The following GDAP2 variants were observed in gnomAD, a reference collection of about 807,000 sequenced individuals.
GDAP2 encodes ganglioside induced differentiation associated protein 2, also known as ganglioside-induced differentiation-associated protein 2.
GDAP2 carries 51 observed loss-of-function variants against 67.0 expected under a neutral mutation model. The ratio of observed to expected loss-of-function variants is 0.76; its 90% CI spans 0.61 to 0.96. The LOEUF is 0.96. Ranked by LOEUF, GDAP2 falls within the 40% of genes least tolerant of loss-of-function variation. The pLI is 0.00. For missense variants in GDAP2, 547 were observed against 588.3 expected, an observed-to-expected ratio of 0.93 and a Z score of 0.73; for synonymous variants, 203 against 207.3, an observed-to-expected ratio of 0.98 and a Z score of 0.18.
At chr1:117,877,882 A>G in intron 13 of GDAP2, 127 bp downstream of exon 13, 2 of 1,313,096 alleles carry the variant, frequency 1.5e-6, no homozygotes, top group Admixed American at 3.2e-5. Flanking sequence ...TGATATTACC[A>G]AGTTTATTAA....
chr1:117,905,641 C>A (rs1175715625), intron 6 of GDAP2, among the ~76,000 whole-genome samples: 1 of 152,118 alleles, frequency 6.6e-6, no homozygotes, highest in African/African-American at 2.4e-5. Context: ...GAGGAAACAA[C>A]CATGATTTTT....
chr1:117,910,059 G>A (rs990345858), intron 5 of GDAP2, among the ~76,000 whole-genome samples: 1 of 152,116 alleles, frequency 6.6e-6, no homozygotes, highest in African/African-American at 2.4e-5. Context: ...TATATCAAGG[G>A]AGGAATTTTG....
chr1:117,899,100 A>G lies in GDAP2; in HGVS notation c.753T>C (p.Pro251=), dbSNP rs34262092. The change falls in exon 7 of 14, where the codon CCT becomes CCC. Residue 251 remains proline, a synonymous_variant. Transcript: ENST00000369443. ...TCTCACTTATTCTAATCTGTCGTTC[A>G]GGTACCACAGGCTCCCCTTCTGCAT... ...IGNAEGEPVV[P]ERQIRISEKP... is the part of the protein sequence containing the mutation. 1.1e-3 allele frequency: 1,786 copies of G among 1,613,082 alleles called. 4 individuals are homozygous for G. The highest frequency in any genetic ancestry group is 7.7e-3 in the African/African-American group (575 of 75,008).
intron 7 of GDAP2, among the ~76,000 whole-genome samples, chr1:117,897,953 TA>T (rs1444017208): frequency 5.3e-5 from 8 of 152,320 alleles, no homozygotes; most frequent in African/African-American, 1.9e-4. Context: ...ATCTATAACA[TA>T]AAAGTATTTT....
chr1:117,888,344 A>G (rs1192584465), intron 8 of GDAP2, among the ~76,000 whole-genome samples: 1 of 152,180 alleles, frequency 6.6e-6, no homozygotes, highest in African/African-American at 2.4e-5. Context: ...TTTAATCATC[A>G]GTTAGTCAAA....
chr1:117,887,080 C>T (rs1648881211), intron 9 of GDAP2, among the ~76,000 whole-genome samples: 1 of 151,970 alleles, frequency 6.6e-6, no homozygotes, highest in South Asian at 2.1e-4. Flanking sequence ...AGGCATGCAC[C>T]ACCACACCTG....
In GDAP2 at chr1:117,920,318, C is replaced by A. The variant is rs771644665; in HGVS notation, c.40G>T (p.Asp14Tyr). 1.2e-6 allele frequency: 2 copies of A among 1,607,372 alleles called. No homozygotes were observed. The highest frequency in any genetic ancestry group is 1.1e-5 in the South Asian group (1 of 89,658). Residue 14 changes from aspartate to tyrosine, a missense_variant, in exon 2 of 14, where the codon GAT becomes TAT. Coordinates refer to ENST00000369443, the MANE Select transcript of GDAP2 (RefSeq NM_017686.4). ...GAGTCACCCCAGCTTGGTAGTGTAT[C>A]CACATCCACAAACTGGGAAGGTGCA... ...LGAPSQFVDV[D>Y]TLPSWGDSCQ...
chr1:117,882,880 G>A (rs1478473466), intron 11 of GDAP2: 3 of 152,088 alleles, frequency 2.0e-5, no homozygotes, highest in Non-Finnish European at 4.4e-5. Context: ...GCTAACAGGA[G>A]GGTTGAGTGC....
intron 12 of GDAP2, among the ~76,000 whole-genome samples, chr1:117,878,611 T>C (rs1301994595): frequency 1.3e-5 from 2 of 152,224 alleles, no homozygotes; most frequent in Non-Finnish European, 2.9e-5. Flanking sequence ...TTGGGACTCA[T>C]ATATTTTCAG....
intron 10 of GDAP2, among the ~76,000 whole-genome samples, chr1:117,884,438 A>T (rs1021355218): frequency 3.3e-5 from 5 of 152,238 alleles, no homozygotes; most frequent in African/African-American, 1.2e-4. Context: ...GGATTACTGT[A>T]AAACAAACTG....
intron 5 of GDAP2, among the ~76,000 whole-genome samples, chr1:117,910,933 A>AT (rs1288489576): frequency 6.6e-6 from 1 of 152,136 alleles, no homozygotes; most frequent in African/African-American, 2.4e-5. Context: ...ATTTATGCAC[A>AT]TTTTTCTTGA....
intron 7 of GDAP2, 76 bp from the exon 8 acceptor site, chr1:117,897,065 G>T: frequency 9.9e-7 from 1 of 1,014,494 alleles, no homozygotes; most frequent in Non-Finnish European, 1.4e-6. Flanking sequence ...GCTGCAGTAA[G>T]GATGACAGTG....
At chr1:117,877,563 T>C (rs935980524) in intron 13 of GDAP2, 29 of 975,816 alleles carry the variant, frequency 3.0e-5, no homozygotes, top group East Asian at 2.3e-4. Context: ...AAAAACATTA[T>C]ACAACCTTTT....
At chr1:117,896,018 T>C (rs1348008099) in intron 8 of GDAP2, among the ~76,000 whole-genome samples, 2 of 152,000 alleles carry the variant, frequency 1.3e-5, no homozygotes, top group Non-Finnish European at 1.5e-5. Flanking sequence ...AGGATGAGAG[T>C]AGCCCATTCA....
Position 117,920,202 on chromosome 1 carries a change from G to A in GDAP2, c.156C>T (p.Val52=). 6.2e-7 allele frequency: 1 copy of A among 1,600,534 alleles called. No individual in the cohort carries two copies. Among genetic ancestry groups the A allele is most frequent in the Non-Finnish European group, 8.5e-7 (1 of 1,170,232 alleles). ...ATTACCAAAGAACCACTTTTCCATTGACGTCCTTATTATAAAGAAAAGGTG... is the reference window on the plus strand; with the variant it reads ...ATTACCAAAGAACCACTTTTCCATTAACGTCCTTATTATAAAGAAAAGGTG... ...VRSPFLYNKD[V]NGKVVLWKGD... is the part of the protein sequence containing the mutation. The change falls in exon 2 of 14, where the codon GTC becomes GTT. Residue 52 remains valine (V), a synonymous_variant. Transcript: ENST00000369443.
intron 1 of GDAP2, among the ~76,000 whole-genome samples, chr1:117,927,109 T>C (rs1244674151): frequency 6.6e-6 from 1 of 151,970 alleles, no homozygotes; most frequent in African/African-American, 2.4e-5. Context: ...TCCATATCCA[T>C]ATGATCTTCA....
chr1:117,868,827 A>G lies in GDAP2; in HGVS notation c.*1742T>C, dbSNP rs1279574994. On this transcript the variant is annotated 3_prime_UTR_variant, in exon 14 of 14. Coordinates refer to ENST00000369443, the MANE Select transcript of GDAP2 (RefSeq NM_017686.4). ...TGGATGTGATGACCTAGGGGACATA[A>G]GAGAAAATCTTAACATAGATGTATA... The G allele has an allele frequency of 6.6e-6, 1 of 152,194 alleles. No homozygotes were observed. The highest frequency in any genetic ancestry group is 2.4e-5 in the African/African-American group (1 of 41,456). The allele number at this position is 152,194 out of a possible 1,614,324, so 9.4% of individuals were successfully genotyped here.
chr1:117,903,480 A>G (rs1473034524), intron 6 of GDAP2, among the ~76,000 whole-genome samples: 2 of 151,834 alleles, frequency 1.3e-5, no homozygotes, highest in Non-Finnish European at 2.9e-5. Flanking sequence ...TTTTATCAAG[A>G]AAGAGTGTTA....
At chr1:117,901,235 CA>C (rs1471530002) in intron 6 of GDAP2, among the ~76,000 whole-genome samples, 1 of 152,046 alleles carries the variant, frequency 6.6e-6, no homozygotes, top group African/African-American at 2.4e-5. Context: ...CACACATACA[CA>C]CACCACATTT....
Sources: allele counts gnomAD v4.1 joint callset (sites outside exome capture counted in the v4.1 genomes callset), GRCh38; gene constraint gnomAD v4.1.1; transcripts MANE v1.5; gene names NCBI Gene and HGNC (gene_info 2026-07-23, HGNC 2026-07-21).